The following BBX variants were observed in gnomAD, a reference collection of about 807,000 sequenced individuals.
BBX encodes BBX high mobility group box domain containing, also known as HMG box transcription factor BBX.
A neutral mutation model predicts 100.2 loss-of-function variants in BBX; 30 were observed. That is an observed-to-expected ratio of 0.30 (90% CI 0.22 to 0.41). The LOEUF is 0.41. BBX is among the 10% of genes least tolerant of loss of function. BBX has a pLI of 1.00. For synonymous variants in BBX, 376 were observed against 388.1 expected (o/e 0.97, Z 0.37); for missense variants, 1,023 against 1,129.8 (o/e 0.91, Z 1.35).
intron 4 of BBX, among the ~76,000 whole-genome samples, chr3:107,711,082 C>T (rs1302199720): frequency 6.6e-6 from 1 of 152,218 alleles, no homozygotes; most frequent in Non-Finnish European, 1.5e-5. Context: ...TGACTCATTC[C>T]TCCTAGTCCT....
At chr3:107,662,974 A>G (rs1321143306) in intron 3 of BBX, 4 of 152,196 alleles carry the variant, frequency 2.6e-5, no homozygotes, top group Middle Eastern at 3.2e-3. Context: ...TAAGAATGCT[A>G]TATATACAAG....
intron 2 of BBX, among the ~76,000 whole-genome samples, chr3:107,596,580 G>GGCAGAGAT (rs2053682169): frequency 6.6e-6 from 1 of 152,136 alleles, no homozygotes; most frequent in Non-Finnish European, 1.5e-5. Flanking sequence ...GCAATTTCCT[G>GGCAGAGAT]GCAGAGATGC....
chr3:107,529,213 T>TA (rs1164295476), intron 2 of BBX, among the ~76,000 whole-genome samples: 2 of 152,378 alleles, frequency 1.3e-5, no homozygotes, highest in African/African-American at 4.8e-5. Context: ...CAACGTGGCA[T>TA]ACCTGTGCTT....
intron 3 of BBX, among the ~76,000 whole-genome samples, chr3:107,660,637 T>C (rs1024542777): frequency 3.3e-5 from 5 of 151,978 alleles, no homozygotes; most frequent in East Asian, 1.9e-4. Flanking sequence ...ATGGAAAATA[T>C]ATTGATACAC....
chr3:107,578,884 A>T (rs1449098754), intron 2 of BBX, among the ~76,000 whole-genome samples: 1 of 152,186 alleles, frequency 6.6e-6, no homozygotes, highest in Non-Finnish European at 1.5e-5. Context: ...TTGGAAGAGT[A>T]GAAGAAGGCA....
chr3:107,722,225 C>G (rs1245203765), intron 5 of BBX, among the ~76,000 whole-genome samples: 4 of 151,866 alleles, frequency 2.6e-5, no homozygotes, highest in Non-Finnish European at 5.9e-5. Context: ...TTTATAAAGA[C>G]TATAAAAACT....
intron 2 of BBX, among the ~76,000 whole-genome samples, chr3:107,574,727 T>G (rs1243150521): frequency 1.3e-5 from 2 of 152,228 alleles, no homozygotes; most frequent in African/African-American, 4.8e-5. Flanking sequence ...TAATTATGAA[T>G]GAGATGCAAC....
At chr3:107,679,061 A>G (rs1337456875) in intron 3 of BBX, among the ~76,000 whole-genome samples, 1 of 152,036 alleles carries the variant, frequency 6.6e-6, no homozygotes, top group African/African-American at 2.4e-5. Context: ...GTCAAATCGC[A>G]TGAGATATGA....
chr3:107,694,975 A>T (rs2060475857), intron 3 of BBX, among the ~76,000 whole-genome samples: 1 of 151,306 alleles, frequency 6.6e-6, no homozygotes, highest in Non-Finnish European at 1.5e-5. Flanking sequence ...TTTCTAGTTT[A>T]TTTGTGTAGA....
intron 13 of BBX, among the ~76,000 whole-genome samples, chr3:107,778,994 C>CATATATATATATATATATAT (rs1286419462): frequency 8.1e-4 from 55 of 68,102 alleles, no homozygotes; most frequent in African/African-American, 2.0e-3. Flanking sequence ...CCTCCAGCAA[C>CATATATATATATATATATAT]ATATATATAT....
intron 10 of BBX, among the ~76,000 whole-genome samples, chr3:107,763,325 C>T (rs939832707): frequency 5.7e-4 from 86 of 151,756 alleles, no homozygotes; most frequent in African/African-American, 1.9e-3. Flanking sequence ...CCCGGGTTCA[C>T]GCCACTCTCC....
intron 9 of BBX, among the ~76,000 whole-genome samples, chr3:107,754,280 T>C (rs1356570115): frequency 6.6e-6 from 1 of 152,186 alleles, no homozygotes; most frequent in East Asian, 1.9e-4. Context: ...AGTCTCCTGA[T>C]AAGGTGAGTA....
intron 7 of BBX, among the ~76,000 whole-genome samples, chr3:107,736,643 A>G (rs2063652889): frequency 6.6e-6 from 1 of 152,078 alleles, no homozygotes; most frequent in Admixed American, 6.6e-5. Flanking sequence ...TATATTTGTT[A>G]GTTATCTTAA....
intron 2 of BBX, among the ~76,000 whole-genome samples, chr3:107,544,624 C>T (rs2049082576): frequency 6.6e-6 from 1 of 152,110 alleles, no homozygotes. Context: ...AATCCCAGCA[C>T]TTTGGGAAGG....
chr3:107,797,841 C>G (rs1246643341), intron 15 of BBX, among the ~76,000 whole-genome samples: 5 of 152,110 alleles, frequency 3.3e-5, no homozygotes, highest in Non-Finnish European at 2.9e-5. Context: ...ATTAGGATAC[C>G]TAAAACTAGC....
chr3:107,766,087 T>C (rs1032232515), intron 10 of BBX, among the ~76,000 whole-genome samples: 1 of 152,162 alleles, frequency 6.6e-6, no homozygotes, highest in African/African-American at 2.4e-5. Flanking sequence ...ACGTATACTT[T>C]TGACGTAAGG....
chr3:107,784,180 C>T lies in BBX; in HGVS notation c.2204-5607C>T, dbSNP rs76048020. On this transcript the variant is annotated intron_variant, in intron 13 of 17. Coordinates refer to ENST00000325805, the MANE Select transcript of BBX (RefSeq NM_001142568.3). ...ATGGGGGAACCAGACAATAAATAAG[C>T]CTAAGCAATAAGCAAAATATATAAT... 3.0e-4 allele frequency among the ~76,000 whole-genome samples: 45 copies of T among 152,034 alleles called. No individual in the cohort carries two copies. The East Asian group carries it at 8.5e-3, about 29-fold the overall frequency.
intron 1 of BBX, chr3:107,524,684 A>G (rs1257900179): frequency 6.7e-6 from 1 of 149,532 alleles, no homozygotes; most frequent in Non-Finnish European, 1.5e-5. Flanking sequence ...AGGAAGGAAA[A>G]TAAAGCGTGC....
At position 107,601,485 on chromosome 3, in the gene BBX, A is replaced by C. The variant is rs114130258; in HGVS notation, c.-83-44351A>C. Among the ~76,000 whole-genome samples the C allele has an allele frequency of 5.3e-3, 803 of 152,350 alleles. 7 individuals carry two copies. Among genetic ancestry groups the C allele is most frequent in the African/African-American group, 0.018 (764 of 41,578 alleles). ...ACTTCAGTGAACACACAATGATAAG[A>C]AAGCAAAACAACTTTGTTGTTGATA... On this transcript the variant is annotated intron_variant, in intron 2 of 17. Coordinates refer to ENST00000325805, the MANE Select transcript of BBX (RefSeq NM_001142568.3).
Sources: gnomAD v4.1 joint callset for allele counts (sites outside exome capture counted in the v4.1 genomes callset) on GRCh38, gnomAD v4.1.1 for gene constraint, MANE v1.5 for transcripts, NCBI Gene and HGNC (gene_info 2026-07-23, HGNC 2026-07-21) for gene names.